The following GRM5 variants were observed in gnomAD, a reference collection of about 807,000 sequenced individuals.
GRM5 encodes the protein glutamate metabotropic receptor 5, also known as metabotropic glutamate receptor 5.
GRM5 carries 19 observed loss-of-function variants against 83.1 expected under a neutral mutation model. That is an observed-to-expected ratio of 0.23 (90% CI 0.16 to 0.34). GRM5 has a LOEUF of 0.34. Ranked by LOEUF, GRM5 falls within the 10% of genes least tolerant of loss-of-function variation. GRM5 has a pLI of 1.00. For synonymous variants in GRM5, 675 were observed against 633.6 expected, an observed-to-expected ratio of 1.07 and a Z score of -0.98; for missense variants, 1,160 against 1,588.3, an observed-to-expected ratio of 0.73 and a Z score of 4.58.
intron 3 of GRM5, among the ~76,000 whole-genome samples, chr11:88,820,351 G>A (rs1479240000): frequency 9.0e-6 from 1 of 110,506 alleles, no homozygotes; most frequent in African/African-American, 4.6e-5. Flanking sequence ...CTCCAGCCTG[G>A]GCAACAGAGC....
At chr11:88,666,730 C>T (rs552533286) in intron 3 of GRM5, among the ~76,000 whole-genome samples, 1 of 147,470 alleles carries the variant, frequency 6.8e-6, no homozygotes, top group South Asian at 2.1e-4. Context: ...GAAACTGCTT[C>T]AGATCCTCTC....
intron 3 of GRM5, among the ~76,000 whole-genome samples, chr11:88,795,497 G>A (rs1943259550): frequency 6.6e-6 from 1 of 152,176 alleles, no homozygotes; most frequent in Non-Finnish European, 1.5e-5. Context: ...ATATAATAGT[G>A]AAAGGATTGC....
At chr11:88,956,570 GC>G (rs1172184152) in intron 2 of GRM5, among the ~76,000 whole-genome samples, 1 of 152,138 alleles carries the variant, frequency 6.6e-6, no homozygotes, top group Non-Finnish European at 1.5e-5. Context: ...ACTTTCGGCG[GC>G]CGAGGCGGGC....
In GRM5 at chr11:88,508,675, C is replaced by T. The variant is rs1565315354; in HGVS notation, c.3556G>A (p.Glu1186Lys). Reference protein sequence around the residue: ...GSTTPNSPVSESALCIPSSPK... With the variant: ...GSTTPNSPVSKSALCIPSSPK... ...GACGACGGGATACAGAGGGCCGACTCGGACACTGGCGAGTTGGGGGTTGTG... is the reference window on the plus strand; with the variant it reads ...GACGACGGGATACAGAGGGCCGACTTGGACACTGGCGAGTTGGGGGTTGTG... The change falls in exon 10 of 10, where the codon GAG becomes AAG. Residue 1186 changes from glutamate (E) to lysine (K), a missense_variant. Glu to Lys is a moderately conservative substitution (Grantham distance 56, BLOSUM62 1). This residue lies in a region of GRM5 where 562 missense variants were observed against 532.4 expected (regional missense o/e 1.06). Transcript: ENST00000305447. This position sits in a 1 kb window ranked among gnomAD's most constrained non-coding sequence, Gnocchi z 4.2. 1.9e-6 allele frequency: 3 copies of T among 1,608,172 alleles called. No homozygotes were observed. Among genetic ancestry groups the T allele is most frequent in the Non-Finnish European group, 1.7e-6 (2 of 1,177,414 alleles).
At chr11:88,703,790 C>A (rs1941091250) in intron 3 of GRM5, among the ~76,000 whole-genome samples, 1 of 152,012 alleles carries the variant, frequency 6.6e-6, no homozygotes, top group African/African-American at 2.4e-5. Context: ...TGCAGTACGA[C>A]AATACAAGGT....
chr11:89,058,058 T>A (rs1591084761), intron 1 of GRM5, among the ~76,000 whole-genome samples: 1 of 152,002 alleles, frequency 6.6e-6, no homozygotes, highest in Non-Finnish European at 1.5e-5. Flanking sequence ...CCAAACTTAA[T>A]AAACAAATAA....
intron 4 of GRM5, among the ~76,000 whole-genome samples, chr11:88,613,120 G>A (rs1283372180): frequency 6.6e-6 from 1 of 152,052 alleles, no homozygotes; most frequent in Admixed American, 6.6e-5. Context: ...TCCTGAGCAC[G>A]TGCTCATCTT....
intron 3 of GRM5, among the ~76,000 whole-genome samples, chr11:88,734,962 T>C (rs1941882209): frequency 6.6e-6 from 1 of 152,060 alleles, no homozygotes; most frequent in African/African-American, 2.4e-5. Context: ...TTTAATTAGA[T>C]AGTAACATAT....
chr11:89,058,998 A>G (rs1941935050), intron 1 of GRM5, among the ~76,000 whole-genome samples: 1 of 151,610 alleles, frequency 6.6e-6, no homozygotes, highest in African/African-American at 2.4e-5. Context: ...GCATTTAGAC[A>G]AATTGTTTTT....
At position 89,009,659 on chromosome 11, in the gene GRM5, G is replaced by A. The variant is rs376347954; in HGVS notation, c.661+37553C>T. Among the ~76,000 whole-genome samples the A allele has an allele frequency of 3.9e-5, 6 of 151,934 alleles. 1 individual carries two copies. The East Asian group carries it at 9.6e-4, about 24-fold the overall frequency. Reference sequence around the variant, plus strand: ...CGCCTGTAATCCCAGCACTTTGGGAGGCCGAGGCGGGCGGATCACGAGGTC... The same window carrying A: ...CGCCTGTAATCCCAGCACTTTGGGAAGCCGAGGCGGGCGGATCACGAGGTC... On this transcript the variant is annotated intron_variant, in intron 2 of 9. Coordinates refer to ENST00000305447, the MANE Select transcript of GRM5 (RefSeq NM_001143831.3).
intron 3 of GRM5, among the ~76,000 whole-genome samples, chr11:88,736,633 G>T (rs935632551): frequency 4.6e-5 from 7 of 152,042 alleles, no homozygotes; most frequent in Admixed American, 4.6e-4. Context: ...CTGCTTTGCT[G>T]GCATTTTTCA....
At chr11:88,657,341 T>C (rs1256100730) in intron 3 of GRM5, among the ~76,000 whole-genome samples, 1 of 152,168 alleles carries the variant, frequency 6.6e-6, no homozygotes, top group African/African-American at 2.4e-5. Context: ...TTTAGTCAGG[T>C]TTGTAGCCTT....
chr11:88,744,247 G>GA (rs1303093879), intron 3 of GRM5, among the ~76,000 whole-genome samples: 2 of 151,984 alleles, frequency 1.3e-5, no homozygotes, highest in African/African-American at 2.4e-5. Context: ...AGGCCAGAGG[G>GA]AAAAAATGAC....
intron 1 of GRM5, among the ~76,000 whole-genome samples, chr11:89,061,971 T>C (rs1942004068): frequency 6.6e-6 from 1 of 152,204 alleles, no homozygotes. Flanking sequence ...GAAGCTGTTA[T>C]TTAGGAAGTG....
chr11:88,947,546 T>TC (rs1491169354), intron 2 of GRM5, among the ~76,000 whole-genome samples: 3 of 151,962 alleles, frequency 2.0e-5, no homozygotes, highest in African/African-American at 7.3e-5. Flanking sequence ...TTTTTTTTTT[T>TC]CCCTATTATC....
chr11:88,727,911 A>G (rs1030877742), intron 3 of GRM5, among the ~76,000 whole-genome samples: 1 of 152,200 alleles, frequency 6.6e-6, no homozygotes, highest in Non-Finnish European at 1.5e-5. Flanking sequence ...CTAAATGCCC[A>G]CAGGGGAAAG....
chr11:88,521,424 G>A (rs1941686789), intron 9 of GRM5, among the ~76,000 whole-genome samples: 1 of 152,030 alleles, frequency 6.6e-6, no homozygotes, highest in African/African-American at 2.4e-5. Flanking sequence ...TGAGAAAAAA[G>A]CAAGCAAGCA....
chr11:88,973,142 G>T lies in GRM5; in HGVS notation c.661+74070C>A, dbSNP rs191148127. ...GTATATCTGGGATAATTAGGAAAATGTAAGTGGGGTCTGTGGACCAGAAAA... is the reference window on the plus strand; with the variant it reads ...GTATATCTGGGATAATTAGGAAAATTTAAGTGGGGTCTGTGGACCAGAAAA... On this transcript the variant is annotated intron_variant, in intron 2 of 9. Transcript: ENST00000305447. Among the ~76,000 whole-genome samples the T allele has an allele frequency of 2.3e-3, 347 of 152,254 alleles. 3 individuals carry two copies. Among genetic ancestry groups the T allele is most frequent in the African/African-American group, 7.9e-3 (330 of 41,554 alleles).
chr11:88,993,143 G>A (rs1940044313), intron 2 of GRM5, among the ~76,000 whole-genome samples: 1 of 151,672 alleles, frequency 6.6e-6, no homozygotes, highest in Non-Finnish European at 1.5e-5. Context: ...GCGGGCGCCT[G>A]TAGTCCTAGC....
Sources: allele counts gnomAD v4.1 joint callset (sites outside exome capture counted in the v4.1 genomes callset), GRCh38; gene constraint gnomAD v4.1.1; regional missense constraint gnomAD v4.1.1; non-coding constraint Gnocchi (gnomAD v3.1); transcripts MANE v1.5; gene names NCBI Gene and HGNC (gene_info 2026-07-23, HGNC 2026-07-21).